The following PHEX variants were observed in gnomAD, a reference collection of about 807,000 sequenced individuals.
PHEX encodes phosphate regulating endopeptidase X-linked, also known as phosphate-regulating neutral endopeptidase PHEX.
In PHEX, 16 loss-of-function variants were observed where a neutral mutation model predicts 68.0. That is an observed-to-expected ratio of 0.24 (90% CI 0.16 to 0.36). The LOEUF (loss-of-function observed/expected upper bound fraction) is 0.36. Among genes scored for constraint, PHEX ranks in the 10% least tolerant of loss-of-function variants. PHEX has a pLI of 1.00. For synonymous variants in PHEX, 208 were observed against 205.1 expected, an observed-to-expected ratio of 1.01 and a Z score of -0.12; for missense variants, 480 against 575.5, an observed-to-expected ratio of 0.83 and a Z score of 1.70.
chrX:22,143,271 G>A (rs990468774), intron 12 of PHEX, among the ~76,000 whole-genome samples: 1 of 111,882 alleles, frequency 8.9e-6, no homozygotes, highest in African/African-American at 3.2e-5. Flanking sequence ...ATTCCAAAGC[G>A]GCTAGAAGAA....
intron 1 of PHEX, among the ~76,000 whole-genome samples, chrX:22,033,918 G>T (rs1466737857): frequency 1.8e-5 from 2 of 111,906 alleles, no homozygotes; most frequent in Non-Finnish European, 3.8e-5. Flanking sequence ...TAACTTGAAC[G>T]TTACATAGGA....
At chrX:22,200,573 T>C (rs1194558348) in intron 15 of PHEX, among the ~76,000 whole-genome samples, 4 of 111,068 alleles carry the variant, frequency 3.6e-5, no homozygotes, top group Admixed American at 9.6e-5. Flanking sequence ...CGTGCCACTG[T>C]ACTCCAGTCT....
chrX:22,240,581 C>CAAACA (rs1936150408), intron 20 of PHEX, among the ~76,000 whole-genome samples: 1 of 103,480 alleles, frequency 9.7e-6, no homozygotes. Flanking sequence ...CAAAAACAAA[C>CAAACA]AAAAAAAAAA....
At chrX:22,152,996 T>C (rs1932881658) in intron 12 of PHEX, among the ~76,000 whole-genome samples, 1 of 108,574 alleles carries the variant, frequency 9.2e-6, no homozygotes, top group Admixed American at 9.9e-5. Flanking sequence ...TGATCAACTT[T>C]TTTTTTTTTT....
At chrX:22,200,232 GA>G (rs1934504273) in intron 15 of PHEX, among the ~76,000 whole-genome samples, 1 of 112,401 alleles carries the variant, frequency 8.9e-6, no homozygotes, top group Admixed American at 9.4e-5. Flanking sequence ...GCAGAGCTGG[GA>G]GTATAACCCA....
At chrX:22,120,255 C>T (rs1054187901) in intron 11 of PHEX, among the ~76,000 whole-genome samples, 4 of 111,293 alleles carry the variant, frequency 3.6e-5, no homozygotes, top group Admixed American at 9.6e-5. Context: ...TCTCTGGAGT[C>T]ATATAGCTTG....
chrX:22,207,002 C>A lies in PHEX; in HGVS notation c.1646-5902C>A, dbSNP rs187848066. 1.3e-4 allele frequency among the ~76,000 whole-genome samples: 15 copies of A among 111,948 alleles called. No homozygotes were observed. In the East Asian group the frequency reaches 4.2e-3, roughly 32 times the overall value. On this transcript the variant is annotated intron_variant, in intron 15 of 21. Coordinates refer to ENST00000379374, the MANE Select transcript of PHEX (RefSeq NM_000444.6). The stretch of plus-strand genomic sequence containing the variant: ...GTCAAATAGTTGAGCCTGGGGTAAT[C>A]ACCCACTGAATGTGATTGGTTCTTT...
At chrX:22,192,881 G>A (rs1443950867) in intron 15 of PHEX, among the ~76,000 whole-genome samples, 4 of 111,188 alleles carry the variant, frequency 3.6e-5, no homozygotes, top group Non-Finnish European at 7.5e-5. Context: ...TCTTAGAGCC[G>A]CCCTCGTGTG....
In PHEX at chrX:22,064,260, C is replaced by T. The variant is rs936957264; in HGVS notation, c.350-12128C>T. 2.7e-5 allele frequency among the ~76,000 whole-genome samples: 3 copies of T among 110,382 alleles called. 1 individual carries two copies. In the East Asian group the frequency reaches 8.4e-4, roughly 31 times the overall value. On this transcript the variant is annotated intron_variant, in intron 3 of 21. Transcript: ENST00000379374. ...TAGTCACTAGACACTAAGCATAGTACCTGATGTTTGTTTTTTTTCTGAACC... is the reference window on the plus strand; with the variant it reads ...TAGTCACTAGACACTAAGCATAGTATCTGATGTTTGTTTTTTTTCTGAACC...
At chrX:22,121,894 A>T (rs929032782) in intron 11 of PHEX, among the ~76,000 whole-genome samples, 1 of 111,818 alleles carries the variant, frequency 8.9e-6, no homozygotes, top group African/African-American at 3.3e-5. Flanking sequence ...CTCCCACCCC[A>T]TACTGCTACA....
At chrX:22,071,486 A>G (rs1236046802) in intron 3 of PHEX, among the ~76,000 whole-genome samples, 2 of 111,856 alleles carry the variant, frequency 1.8e-5, no homozygotes, top group Middle Eastern at 4.6e-3. Context: ...CTCAGCGAAC[A>G]TTCACTAAGC....
At chrX:22,112,053 A>G (rs1374538921) in intron 10 of PHEX, among the ~76,000 whole-genome samples, 1 of 112,158 alleles carries the variant, frequency 8.9e-6, no homozygotes, top group African/African-American at 3.2e-5. Flanking sequence ...TCCATCTTTG[A>G]ATCTATCCTC....
chrX:22,154,749 T>C (rs1279393028), intron 12 of PHEX, among the ~76,000 whole-genome samples: 1 of 111,676 alleles, frequency 9.0e-6, no homozygotes, highest in African/African-American at 3.3e-5. Context: ...CAAATTTGTG[T>C]TTTCAACAAG....
chrX:22,191,594 A>G (rs1338960937), intron 15 of PHEX, among the ~76,000 whole-genome samples: 1 of 111,844 alleles, frequency 8.9e-6, no homozygotes, highest in Non-Finnish European at 1.9e-5. Flanking sequence ...CTTGTTAGAA[A>G]TGCAAATTCC....
In PHEX at chrX:22,247,549, A is replaced by G. The variant is rs967195; in HGVS notation, c.2148-302A>G. ...ATTTTGCATACTTTATGTCAGTTAT[A>G]CTTTCCATAAAGTTTTTAAAAAGTT... On this transcript the variant is annotated intron_variant, in intron 21 of 21. Transcript: ENST00000379374. Among the ~76,000 whole-genome samples, 12,666 of 111,952 alleles carry G rather than the reference A, an allele frequency of 0.11. 700 individuals are homozygous for G. The highest frequency in any genetic ancestry group is 0.24 in the East Asian group (855 of 3,546).
chrX:22,123,833 C>CTT (rs755194382), intron 11 of PHEX, among the ~76,000 whole-genome samples: 6 of 83,057 alleles, frequency 7.2e-5, no homozygotes, highest in African/African-American at 2.2e-4. Context: ...ATTTCTTTTT[C>CTT]TTTTTTTTTT....
At chrX:22,051,485 G>A (rs1264538630) in intron 3 of PHEX, among the ~76,000 whole-genome samples, 1 of 111,573 alleles carries the variant, frequency 9.0e-6, no homozygotes, top group East Asian at 2.8e-4. Flanking sequence ...GAGCCAAGAT[G>A]GTGCCAGTGC....
intron 15 of PHEX, among the ~76,000 whole-genome samples, chrX:22,192,615 T>TATAA (rs1934237093): frequency 8.9e-6 from 1 of 112,032 alleles, no homozygotes; most frequent in Non-Finnish European, 1.9e-5. Flanking sequence ...CCTGACACGC[T>TATAA]CTGCTCTGGG....
At chrX:22,147,627 CT>C (rs1932752763) in intron 12 of PHEX, among the ~76,000 whole-genome samples, 1 of 110,185 alleles carries the variant, frequency 9.1e-6, no homozygotes, top group Non-Finnish European at 1.9e-5. Context: ...CTGGCAGAAT[CT>C]CATATACAAA....
Sources: gnomAD v4.1 joint callset for allele counts (sites outside exome capture counted in the v4.1 genomes callset) on GRCh38, gnomAD v4.1.1 for gene constraint, MANE v1.5 for transcripts, NCBI Gene and HGNC (gene_info 2026-07-23, HGNC 2026-07-21) for gene names.